Variants in TSHZ2 observed in about 807,000 individuals in gnomAD.
TSHZ2 encodes the protein teashirt zinc finger homeobox 2.
A neutral mutation model predicts 74.4 loss-of-function variants in TSHZ2; 21 were observed. The observed-to-expected ratio is 0.28, with a 90% CI of 0.20 to 0.41. TSHZ2 has a LOEUF of 0.41. Among genes scored for constraint, TSHZ2 ranks in the 10% least tolerant of loss-of-function variants. The pLI, the probability that TSHZ2 is intolerant of heterozygous loss-of-function variation, is 1.00. For synonymous variants in TSHZ2, 540 were observed against 515.3 expected, an observed-to-expected ratio of 1.05 and a Z score of -0.65; for missense variants, 1,244 against 1,293.5, an observed-to-expected ratio of 0.96 and a Z score of 0.59.
chr20:53,254,702 A>G lies in TSHZ2; in HGVS notation c.1244A>G (p.Lys415Arg). ...FLKVTSSASK[K>R]GKQLVLDPLA... ...AAGGTCACCAGCTCTGCCTCCAAGA[A>G]AGGGAAGCAGCTGGTATTAGACCCG... Residue 415 changes from lysine (K) to arginine (R), a missense_variant, in exon 2 of 3, where the codon AAA (lysine) becomes AGA (arginine). By Grantham distance (26) the Lys-to-Arg change is conservative. Transcript: ENST00000371497. 1 of 1,614,182 alleles carries G rather than the reference A, an allele frequency of 6.2e-7. No homozygotes were observed. Among genetic ancestry groups the G allele is most frequent in the Non-Finnish European group, 8.5e-7 (1 of 1,180,014 alleles).
rs1436031954 is a variant in TSHZ2 at position 53,255,021 on chromosome 20, A to G, written c.1563A>G (p.Glu521=). ...GAGGGGACATTTTGAAATCTTTGGAAAATACTGTCACCACAGCCATCAACA... is the reference window on the plus strand; with the variant it reads ...GAGGGGACATTTTGAAATCTTTGGAGAATACTGTCACCACAGCCATCAACA... ...KGGGDILKSL[E]NTVTTAINKA... Residue 521 remains glutamate (E), a synonymous_variant, in exon 2 of 3, where the codon GAA becomes GAG. Coordinates refer to ENST00000371497, the MANE Select transcript of TSHZ2 (RefSeq NM_173485.6). The surrounding 1 kb of genome is among the most constrained non-coding windows in gnomAD (Gnocchi z 4.1). The G allele has an allele frequency of 6.2e-7, 1 of 1,614,046 alleles. No individual in the cohort carries two copies. The highest frequency in any genetic ancestry group is 8.5e-7 in the Non-Finnish European group (1 of 1,180,034).
intron 1 of TSHZ2, among the ~76,000 whole-genome samples, chr20:53,253,062 G>A (rs1401504541): frequency 1.3e-4 from 20 of 151,814 alleles, no homozygotes. Flanking sequence ...CAAGTGTCTT[G>A]GTAAACTTTA....
chr20:53,405,401 T>C (rs1982813925), intron 2 of TSHZ2, among the ~76,000 whole-genome samples: 1 of 152,198 alleles, frequency 6.6e-6, no homozygotes, highest in Admixed American at 6.5e-5. Flanking sequence ...GACTGACATA[T>C]ATTATTTGAG....
intron 2 of TSHZ2, among the ~76,000 whole-genome samples, chr20:53,340,877 C>T (rs1057462214): frequency 5.3e-5 from 8 of 152,134 alleles, no homozygotes; most frequent in Middle Eastern, 3.2e-3. Context: ...CATCTGTGTT[C>T]GCTTGGACAA....
rs61592288 is a variant in TSHZ2, at chr20:53,323,234, G to A, written c.*8+66663G>A. Among the ~76,000 whole-genome samples, 245 of 152,294 alleles carry A rather than the reference G, an allele frequency of 1.6e-3. 1 individual carries two copies. Among genetic ancestry groups the A allele is most frequent in the African/African-American group, 5.6e-3 (232 of 41,564 alleles). ...CTGAGGCACCTATCTGAGCTGCTAA[G>A]CCAGTGCCTGAGAGCCAGAGGCTGG... On this transcript the variant is annotated intron_variant, in intron 2 of 2. Transcript: ENST00000371497.
intron 1 of TSHZ2, among the ~76,000 whole-genome samples, chr20:53,135,063 T>G (rs760666627): frequency 2.6e-5 from 4 of 151,910 alleles, no homozygotes; most frequent in Non-Finnish European, 5.9e-5. Context: ...CTTTTTATTT[T>G]TTAATCTATG....
intron 1 of TSHZ2, among the ~76,000 whole-genome samples, chr20:53,035,917 A>AT (rs542662315): frequency 3.9e-5 from 6 of 152,220 alleles, no homozygotes; most frequent in Non-Finnish European, 8.8e-5. Flanking sequence ...ATAAGTGTAT[A>AT]TTTTTTATAC....
chr20:53,089,664 A>C (rs1362207994), intron 1 of TSHZ2, among the ~76,000 whole-genome samples: 2 of 152,194 alleles, frequency 1.3e-5, no homozygotes, highest in African/African-American at 2.4e-5. Flanking sequence ...TGAAGATTAA[A>C]AAGCTAGATC....
At chr20:53,246,036 C>CTTTTTT (rs201257665) in intron 1 of TSHZ2, among the ~76,000 whole-genome samples, 184 of 126,722 alleles carry the variant, frequency 1.5e-3, no homozygotes, top group African/African-American at 5.7e-3. Context: ...TTCTTTCTTT[C>CTTTTTT]TTTCTTTTTT....
intron 2 of TSHZ2, among the ~76,000 whole-genome samples, chr20:53,373,462 A>G (rs1316803957): frequency 6.6e-6 from 1 of 152,006 alleles, no homozygotes; most frequent in African/African-American, 2.4e-5. Context: ...CTTGCTCCTT[A>G]ATGAGAGTTT....
chr20:53,192,411 C>A (rs1375004539), intron 1 of TSHZ2, among the ~76,000 whole-genome samples: 1 of 151,896 alleles, frequency 6.6e-6, no homozygotes, highest in African/African-American at 2.4e-5. Context: ...CAGGGCCTGG[C>A]ACAGAGCAAA....
chr20:53,047,537 T>G (rs1485922803), intron 1 of TSHZ2, among the ~76,000 whole-genome samples: 1 of 152,144 alleles, frequency 6.6e-6, no homozygotes, highest in Non-Finnish European at 1.5e-5. Flanking sequence ...CAGTGTCTAG[T>G]GCATTGCCAC....
At chr20:53,066,617 C>T (rs1419398861) in intron 1 of TSHZ2, among the ~76,000 whole-genome samples, 5 of 152,140 alleles carry the variant, frequency 3.3e-5, no homozygotes, top group Non-Finnish European at 7.4e-5. Flanking sequence ...AAGTGATTCT[C>T]CCGCCTCAGC....
At chr20:53,284,754 AAAGAGAGAGGAGAGAGAAATAGAGAGAGG>A (rs1275015269) in intron 2 of TSHZ2, among the ~76,000 whole-genome samples, 1 of 137,406 alleles carries the variant, frequency 7.3e-6, no homozygotes, top group Non-Finnish European at 1.5e-5. Flanking sequence ...TAAGAGAGAG[AAAGAGAGAGGAGAGAGAAATAGAGAGAGG>A]AAGAGAGAGA....
intron 1 of TSHZ2, among the ~76,000 whole-genome samples, chr20:53,107,601 C>G (rs1986413947): frequency 6.6e-6 from 1 of 152,136 alleles, no homozygotes; most frequent in African/African-American, 2.4e-5. Context: ...GGACAAGGGT[C>G]CAGAGGTCTG....
chr20:53,473,742 G>C (rs1452669441), intron 2 of TSHZ2, among the ~76,000 whole-genome samples: 1 of 151,854 alleles, frequency 6.6e-6, no homozygotes, highest in East Asian at 1.9e-4. Context: ...CAAAGGCAAA[G>C]AAGTTGAAAA....
chr20:53,155,583 T>C (rs931940531), intron 1 of TSHZ2, among the ~76,000 whole-genome samples: 1 of 151,652 alleles, frequency 6.6e-6, no homozygotes, highest in African/African-American at 2.4e-5. Context: ...AAGCAGAAGA[T>C]ACCCGGGACA....
At chr20:53,264,364 A>G (rs1032771125) in intron 2 of TSHZ2, among the ~76,000 whole-genome samples, 1 of 152,240 alleles carries the variant, frequency 6.6e-6, no homozygotes, top group Non-Finnish European at 1.5e-5. Context: ...CAGCCATCAG[A>G]ATCGGAGCAC....
chr20:53,323,562 G>GATTTTT (rs1979361508), intron 2 of TSHZ2, among the ~76,000 whole-genome samples: 1 of 64,134 alleles, frequency 1.6e-5, no homozygotes, highest in Non-Finnish European at 3.7e-5. Context: ...GCCTTGGAGG[G>GATTTTT]CTTTTTTTTT....
Sources: gnomAD v4.1 joint callset for allele counts (sites outside exome capture counted in the v4.1 genomes callset) on GRCh38, gnomAD v4.1.1 for gene constraint, Gnocchi (gnomAD v3.1) non-coding constraint, MANE v1.5 for transcripts, NCBI Gene and HGNC (gene_info 2026-07-23, HGNC 2026-07-21) for gene names.